The following MGAT4C variants were observed in gnomAD, a reference collection of about 807,000 sequenced individuals.
MGAT4C encodes MGAT4 family member C.
In MGAT4C, 19 loss-of-function variants were observed where a neutral mutation model predicts 40.1. The ratio of observed to expected loss-of-function variants is 0.47; its 90% CI spans 0.33 to 0.70. The LOEUF (loss-of-function observed/expected upper bound fraction) is 0.70, where lower values mean the gene tolerates loss of function less well. MGAT4C is among the 30% of genes least tolerant of loss of function. The pLI, the probability that MGAT4C is intolerant of heterozygous loss-of-function variation, is 0.02. For missense variants in MGAT4C, 491 were observed against 563.2 expected (o/e 0.87, Z 1.30); for synonymous variants, 181 against 187.1 (o/e 0.97, Z 0.27).
At chr12:86,674,056 T>C (rs898058425) in intron 2 of MGAT4C, among the ~76,000 whole-genome samples, 16 of 152,096 alleles carry the variant, frequency 1.1e-4, no homozygotes, top group African/African-American at 3.6e-4. Flanking sequence ...GTTTACAAGT[T>C]TAGCATCATA....
chr12:86,570,739 A>G (rs776723091), intron 2 of MGAT4C, among the ~76,000 whole-genome samples: 4 of 152,120 alleles, frequency 2.6e-5, no homozygotes, highest in Non-Finnish European at 5.9e-5. Context: ...CAAAATATTA[A>G]TTCATATACA....
chr12:86,634,890 T>C (rs1963170910), intron 2 of MGAT4C, among the ~76,000 whole-genome samples: 2 of 152,150 alleles, frequency 1.3e-5, no homozygotes, highest in Non-Finnish European at 2.9e-5. Flanking sequence ...AAGAAGGAGA[T>C]TATGTAAACA....
rs56339436 is a variant in MGAT4C, at chr12:86,580,497, A to G, written c.-228-145232T>C. 8.8e-3 allele frequency among the ~76,000 whole-genome samples: 1,337 copies of G among 151,552 alleles called. 9 individuals are homozygous for G. The highest frequency in any genetic ancestry group is 0.014 in the Non-Finnish European group (920 of 67,598). ...TAATAATGCATGAAAAAATGCCTGAAATCCATAATAAATTTGACAGAAACA... is the reference window on the plus strand; with the variant it reads ...TAATAATGCATGAAAAAATGCCTGAGATCCATAATAAATTTGACAGAAACA... On this transcript the variant is annotated intron_variant, in intron 2 of 7. Transcript: ENST00000548651.
At position 86,749,274 on chromosome 12, in the gene MGAT4C, TAA is replaced by T. The variant is rs1039443432; in HGVS notation, c.-261-22035_-261-22034del. ...TATTTAGTATCTTATAGAAATAAATTAAGACAATATGCAACCTCTTGAGTACT... is the reference window on the plus strand; with the variant it reads ...TATTTAGTATCTTATAGAAATAAATTGACAATATGCAACCTCTTGAGTACT... On this transcript the variant is annotated intron_variant, in intron 1 of 7. Transcript: ENST00000548651. Among the ~76,000 whole-genome samples, 3 of 151,860 alleles carry T rather than the reference TAA, an allele frequency of 2.0e-5. No homozygotes were observed. In the Admixed American group the frequency reaches 2.0e-4, roughly 10 times the overall value.
intron 1 of MGAT4C, among the ~76,000 whole-genome samples, chr12:86,093,149 GTCCT>G (rs1393221201): frequency 1.3e-5 from 2 of 152,004 alleles, no homozygotes; most frequent in Non-Finnish European, 2.9e-5. Context: ...AAATGAATAT[GTCCT>G]TCTTTCAAAG....
At chr12:86,273,618 C>A (rs1238388110) in intron 4 of MGAT4C, among the ~76,000 whole-genome samples, 1 of 152,036 alleles carries the variant, frequency 6.6e-6, no homozygotes, top group Non-Finnish European at 1.5e-5. Flanking sequence ...CCTGGAGTCA[C>A]AATGTGGAAA....
At chr12:86,559,409 T>A (rs957947564) in intron 2 of MGAT4C, among the ~76,000 whole-genome samples, 3 of 151,836 alleles carry the variant, frequency 2.0e-5, no homozygotes, top group Non-Finnish European at 2.9e-5. Flanking sequence ...AGACCACATA[T>A]TAGTCCACAA....
intron 1 of MGAT4C, among the ~76,000 whole-genome samples, chr12:86,154,308 T>G (rs1884651495): frequency 6.6e-6 from 1 of 152,172 alleles, no homozygotes; most frequent in Admixed American, 6.5e-5. Context: ...GGGCTTTGTT[T>G]CAGTCTACCC....
rs868818409 is a variant in MGAT4C at position 86,242,727 on chromosome 12, C to T, written c.-57+13512G>A. On this transcript the variant is annotated intron_variant, in intron 1 of 4. Transcript: ENST00000611864. ...GGGGGTGGCTGAAAACCTAGCTGTC[C>T]CATCCAACCTTACCTTTATACAATG... Among the ~76,000 whole-genome samples the T allele has an allele frequency of 4.0e-5, 6 of 151,852 alleles. No individual in the cohort carries two copies. The East Asian group carries it at 5.8e-4, about 15-fold the overall frequency.
chr12:86,094,496 A>G (rs1873527857), intron 1 of MGAT4C, among the ~76,000 whole-genome samples: 1 of 152,154 alleles, frequency 6.6e-6, no homozygotes, highest in South Asian at 2.1e-4. Flanking sequence ...ATACACTGCT[A>G]AATATTTTAT....
intron 1 of MGAT4C, among the ~76,000 whole-genome samples, chr12:86,776,974 GC>G (rs1168172674): frequency 2.0e-5 from 3 of 151,952 alleles, no homozygotes; most frequent in African/African-American, 7.2e-5. Flanking sequence ...TAAAAATATA[GC>G]CAAATAAAAT....
At chr12:86,478,211 A>T (rs1448103420) in intron 2 of MGAT4C, among the ~76,000 whole-genome samples, 4 of 152,146 alleles carry the variant, frequency 2.6e-5, no homozygotes, top group African/African-American at 9.7e-5. Context: ...CTAGCAACTG[A>T]ATTTTGTGGA....
intron 1 of MGAT4C, among the ~76,000 whole-genome samples, chr12:86,126,240 T>G (rs912705466): frequency 1.3e-5 from 2 of 151,890 alleles, no homozygotes; most frequent in Admixed American, 6.6e-5. Flanking sequence ...AAAAATAAAG[T>G]GTCTCATATT....
At chr12:86,093,816 C>T (rs1455283630) in intron 1 of MGAT4C, among the ~76,000 whole-genome samples, 4 of 152,070 alleles carry the variant, frequency 2.6e-5, no homozygotes, top group African/African-American at 7.2e-5. Context: ...ACCTGGGAAA[C>T]GTTTCATGTT....
chr12:86,167,658 C>A (rs1411193155), intron 1 of MGAT4C, among the ~76,000 whole-genome samples: 1 of 31,960 alleles, frequency 3.1e-5, no homozygotes, highest in Non-Finnish European at 5.1e-5. Context: ...GGGGCAAACT[C>A]ACTTTTATAA....
At chr12:86,314,296 C>T (rs1342300013) in intron 4 of MGAT4C, among the ~76,000 whole-genome samples, 3 of 152,132 alleles carry the variant, frequency 2.0e-5, no homozygotes, top group Non-Finnish European at 4.4e-5. Context: ...GTGGCTCACA[C>T]CTGTAATCCC....
chr12:86,414,256 G>C (rs1168211449), intron 3 of MGAT4C, among the ~76,000 whole-genome samples: 1 of 152,032 alleles, frequency 6.6e-6, no homozygotes, highest in African/African-American at 2.4e-5. Flanking sequence ...GAAACATAAA[G>C]ATTCTAAGAA....
intron 1 of MGAT4C, among the ~76,000 whole-genome samples, chr12:86,187,750 CAA>C (rs62814161): frequency 0.07 from 10,352 of 147,740 alleles, 506 homozygotes; most frequent in Middle Eastern, 0.23. Flanking sequence ...CTTCCAACTG[CAA>C]AAAAAAAAAA....
intron 1 of MGAT4C, among the ~76,000 whole-genome samples, chr12:86,079,935 G>C (rs951685806): frequency 1.3e-5 from 2 of 151,846 alleles, no homozygotes; most frequent in Non-Finnish European, 2.9e-5. Context: ...CATTTAGCTA[G>C]GCCTCTCTCT....
Sources: gnomAD v4.1 joint callset for allele counts (sites outside exome capture counted in the v4.1 genomes callset) on GRCh38, gnomAD v4.1.1 for gene constraint, MANE v1.5 for transcripts, NCBI Gene and HGNC (gene_info 2026-07-23, HGNC 2026-07-21) for gene names.